Variants in CDK13 observed in about 807,000 individuals in gnomAD.
CDK13 encodes cyclin-dependent kinase 13.
CDK13 carries 40 observed loss-of-function variants against 137.6 expected under a neutral mutation model. The ratio of observed to expected loss-of-function variants is 0.29; its 90% confidence interval spans 0.23 to 0.38. CDK13 has a LOEUF of 0.38. Ranked by LOEUF, CDK13 falls within the 10% of genes least tolerant of loss-of-function variation. The pLI, the probability that CDK13 is intolerant of heterozygous loss-of-function variation, is 1.00. For synonymous variants in CDK13, 869 were observed against 760.1 expected (o/e 1.14, Z -2.36); for missense variants, 1,704 against 1,951.8 (o/e 0.87, Z 2.39).
At chr7:40,002,168 G>C in intron 5 of CDK13, 137 bp downstream of exon 5, 1 of 561,626 alleles carries the variant, frequency 1.8e-6, no homozygotes, top group East Asian at 3.1e-5. Context: ...TTTTAAGTTT[G>C]GTAGAGTTGA....
chr7:40,044,607 C>G (rs1447328384), intron 5 of CDK13, among the ~76,000 whole-genome samples: 1 of 152,154 alleles, frequency 6.6e-6, no homozygotes, highest in Non-Finnish European at 1.5e-5. Flanking sequence ...GCATGAGCCA[C>G]AGCGCCCGGC....
chr7:40,020,453 C>T (rs1032908188), intron 5 of CDK13, among the ~76,000 whole-genome samples: 15 of 152,308 alleles, frequency 9.8e-5, no homozygotes, highest in Admixed American at 9.8e-4. Flanking sequence ...TACTCCTTTA[C>T]TCTTCAGTTT....
At chr7:39,972,740 A>AT (rs1398494874) in intron 1 of CDK13, among the ~76,000 whole-genome samples, 4 of 151,884 alleles carry the variant, frequency 2.6e-5, no homozygotes, top group Non-Finnish European at 4.4e-5. Context: ...CTTTTTGGCT[A>AT]TTTTTTTAAT....
At chr7:40,031,610 A>G (rs565825869) in intron 5 of CDK13, among the ~76,000 whole-genome samples, 1 of 152,056 alleles carries the variant, frequency 6.6e-6, no homozygotes, top group South Asian at 2.1e-4. Context: ...GTCTGTTCAA[A>G]TGTTTTGCCT....
intron 2 of CDK13, among the ~76,000 whole-genome samples, chr7:39,992,160 GAGGGT>G (rs1433673429): frequency 1.5e-4 from 8 of 52,366 alleles, no homozygotes; most frequent in African/African-American, 3.5e-4. Flanking sequence ...GAGAACTAAT[GAGGGT>G]GTGTGTGTGT....
At chr7:39,978,900 C>T (rs1232915560) in intron 1 of CDK13, among the ~76,000 whole-genome samples, 1 of 152,050 alleles carries the variant, frequency 6.6e-6, no homozygotes, top group Non-Finnish European at 1.5e-5. Flanking sequence ...GTGGAGTGTA[C>T]GGTGGATGAA....
intron 5 of CDK13, among the ~76,000 whole-genome samples, chr7:40,031,811 AATTT>A (rs1364601204): frequency 7.2e-6 from 1 of 138,966 alleles, no homozygotes; most frequent in Non-Finnish European, 1.5e-5. Flanking sequence ...AAGCTCGGCT[AATTT>A]ATTATTATTA....
At chr7:40,048,175 C>A in intron 7 of CDK13, 1 of 226,058 alleles carries the variant, frequency 4.4e-6, no homozygotes, top group Non-Finnish European at 8.6e-6. Context: ...ATTAAATATT[C>A]TTAATGAAAA....
At chr7:40,090,169 C>T (rs528708537) in intron 12 of CDK13, among the ~76,000 whole-genome samples, 1 of 152,256 alleles carries the variant, frequency 6.6e-6, no homozygotes, top group African/African-American at 2.4e-5. Flanking sequence ...TTTGGCAAGA[C>T]TCTCAGGTCT....
rs761006653 is a variant in CDK13, at chr7:40,088,291, T to C, written c.3195T>C (p.Ser1065=). 3 of 1,613,496 alleles carry C rather than the reference T, an allele frequency of 1.9e-6. No homozygotes were observed. The highest frequency in any genetic ancestry group is 4.5e-5 in the East Asian group (2 of 44,860). ...ACACACCCCAGGGTGTGCTGCCATC[T>C]TCACAGCTGAAATCTCAGGGCAGCT... ...RTNTPQGVLP[S]SQLKSQGSSN... The change falls in exon 12 of 14, where the codon TCT becomes TCC. Residue 1065 remains serine, a synonymous_variant. Transcript: ENST00000181839.
chr7:39,956,684 C>G (rs186805346), intron 1 of CDK13, among the ~76,000 whole-genome samples: 2 of 152,092 alleles, frequency 1.3e-5, no homozygotes, highest in Non-Finnish European at 2.9e-5. Context: ...AACTCCTGGG[C>G]CCAGAGGATC....
intron 7 of CDK13, among the ~76,000 whole-genome samples, chr7:40,054,501 G>T (rs1376296146): frequency 2.6e-5 from 4 of 151,948 alleles, no homozygotes; most frequent in African/African-American, 9.7e-5. Context: ...CGCAGTCTCG[G>T]CTCAACCCAA....
At chr7:40,085,292 C>T (rs548551023) in intron 11 of CDK13, among the ~76,000 whole-genome samples, 3 of 150,748 alleles carry the variant, frequency 2.0e-5, no homozygotes, top group Non-Finnish European at 2.9e-5. Context: ...ACCTGGGAGG[C>T]GGAGGTTGGA....
At chr7:40,082,443 G>A (rs140931332) in intron 11 of CDK13, among the ~76,000 whole-genome samples, 117 of 137,032 alleles carry the variant, frequency 8.5e-4, no homozygotes, top group Admixed American at 3.7e-3. Flanking sequence ...CCAAGATGGC[G>A]CCACTGCACT....
At chr7:40,064,362 A>G (rs1024674491) in intron 9 of CDK13, among the ~76,000 whole-genome samples, 5 of 151,928 alleles carry the variant, frequency 3.3e-5, no homozygotes, top group African/African-American at 4.8e-5. Context: ...TAAAATTTCC[A>G]TGAAAGTTTC....
At chr7:40,076,922 C>T (rs1235462589) in intron 9 of CDK13, among the ~76,000 whole-genome samples, 1 of 152,046 alleles carries the variant, frequency 6.6e-6, no homozygotes, top group Non-Finnish European at 1.5e-5. Flanking sequence ...TAATAAACAT[C>T]CTTGAAATTT....
In CDK13 at chr7:40,042,931, C is replaced by T. The variant is rs151015382; in HGVS notation, c.2354-2905C>T. 3.0e-3 allele frequency among the ~76,000 whole-genome samples: 461 copies of T among 152,168 alleles called. 1 individual carries two copies. Among genetic ancestry groups the T allele is most frequent in the Middle Eastern group, 0.017 (5 of 294 alleles). On this transcript the variant is annotated intron_variant, in intron 5 of 13. Coordinates refer to ENST00000181839, the MANE Select transcript of CDK13 (RefSeq NM_003718.5). ...TAGCTAGAATTACAGGTGTGCACTA[C>T]CACACCTGGCTAATTTTTAAATTTC...
chr7:39,987,380 G>A (rs1189977078), intron 1 of CDK13, among the ~76,000 whole-genome samples: 1 of 152,048 alleles, frequency 6.6e-6, no homozygotes, highest in Admixed American at 6.5e-5. Flanking sequence ...TACATTTGTA[G>A]ACCAGAGCGA....
intron 2 of CDK13, among the ~76,000 whole-genome samples, chr7:39,992,572 A>G (rs778807892): frequency 1.3e-4 from 20 of 151,880 alleles, no homozygotes; most frequent in Non-Finnish European, 2.5e-4. Context: ...CTGCTTGATC[A>G]CAGTATCATT....
Sources: allele counts gnomAD v4.1 joint callset (sites outside exome capture counted in the v4.1 genomes callset), GRCh38; gene constraint gnomAD v4.1.1; transcripts MANE v1.5; gene names NCBI Gene and HGNC (gene_info 2026-07-23, HGNC 2026-07-21).